Variants in CAMK1D observed in about 807,000 individuals in gnomAD.
CAMK1D encodes calcium/calmodulin dependent protein kinase ID.
In CAMK1D, 9 loss-of-function variants were observed where a neutral mutation model predicts 47.7. The observed-to-expected ratio is 0.19, with a 90% CI of 0.11 to 0.33. The LOEUF is 0.33. Among genes scored for constraint, CAMK1D ranks in the 10% least tolerant of loss-of-function variants. CAMK1D has a pLI of 1.00. For synonymous variants in CAMK1D, 184 were observed against 184.9 expected, an observed-to-expected ratio of 0.99 and a Z score of 0.04; for missense variants, 291 against 488.7, an observed-to-expected ratio of 0.60 and a Z score of 3.81.
At position 12,401,282 on chromosome 10, in the gene CAMK1D, TTA is replaced by T. The variant is rs546703807; in HGVS notation, c.92+51383_92+51384del. Reference sequence around the variant, plus strand: ...GTATTATATATATTATGTATATATTTTATATATATATAATATATGTATTATAT... The same window carrying T: ...GTATTATATATATTATGTATATATTTTATATATATAATATATGTATTATAT... On this transcript the variant is annotated intron_variant, in intron 1 of 10. Coordinates refer to ENST00000619168, the MANE Select transcript of CAMK1D (RefSeq NM_153498.4). Among the ~76,000 whole-genome samples the T allele has an allele frequency of 2.3e-3, 83 of 36,488 alleles. 15 individuals carry two copies. Among genetic ancestry groups the T allele is most frequent in the South Asian group, 2.9e-3 (4 of 1,396 alleles). 23.9% of individuals were successfully genotyped at this position (36,488 alleles called of 152,430 possible). A position where few individuals can be genotyped will look rare whatever the true frequency, so the allele number is the denominator to read the frequency against.
intron 3 of CAMK1D, among the ~76,000 whole-genome samples, chr10:12,668,625 A>T (rs1310199919): frequency 6.6e-6 from 1 of 152,236 alleles, no homozygotes; most frequent in Non-Finnish European, 1.5e-5. Context: ...TCTTCAGTAC[A>T]CGTGGTTTCT....
chr10:12,792,951 T>C (rs1259138981), intron 6 of CAMK1D, among the ~76,000 whole-genome samples: 1 of 104,376 alleles, frequency 9.6e-6, no homozygotes, highest in Non-Finnish European at 1.8e-5. Context: ...TAAAATCACA[T>C]GTGTGCGCGC....
chr10:12,755,831 A>G (rs1056121446), intron 3 of CAMK1D, among the ~76,000 whole-genome samples: 2 of 152,294 alleles, frequency 1.3e-5, no homozygotes, highest in Middle Eastern at 3.4e-3. Context: ...CACAGCCTAC[A>G]GATTTCAAGA....
At position 12,834,159 on chromosome 10, in the gene CAMK1D, C is replaced by T. The variant is rs970488955; in HGVS notation, c.*5272C>T. The T allele has an allele frequency of 1.1e-4, 17 of 152,278 alleles. No individual in the cohort carries two copies. Among genetic ancestry groups the T allele is most frequent in the African/African-American group, 4.1e-4 (17 of 41,468 alleles). The allele number at this position is 152,278 out of a possible 1,614,324, so 9.4% of individuals were successfully genotyped here. On this transcript the variant is annotated 3_prime_UTR_variant, in exon 11 of 11. Transcript: ENST00000619168. The stretch of plus-strand genomic sequence containing the variant: ...TGCAGATGAGTTAGCTTGACAACCT[C>T]AACTCTGGGGAGCAGGCAGGCGGTC...
chr10:12,828,630 A>C, intron 10 of CAMK1D, 139 bp from the exon 11 acceptor site: 1 of 646,630 alleles, frequency 1.5e-6, no homozygotes, highest in South Asian at 1.7e-5. Flanking sequence ...AAAAGAGTGA[A>C]ACTCCATCTC....
At chr10:12,534,915 A>G (rs1835921678) in intron 1 of CAMK1D, among the ~76,000 whole-genome samples, 1 of 152,098 alleles carries the variant, frequency 6.6e-6, no homozygotes, top group African/African-American at 2.4e-5. Context: ...CATGTCATTC[A>G]TTTAGGCTTC....
chr10:12,688,402 T>G (rs1220816835), intron 3 of CAMK1D, among the ~76,000 whole-genome samples: 1 of 152,194 alleles, frequency 6.6e-6, no homozygotes, highest in Non-Finnish European at 1.5e-5. Context: ...CAAACCAATC[T>G]AATTACTAAC....
intron 1 of CAMK1D, among the ~76,000 whole-genome samples, chr10:12,466,915 AT>A (rs1454062011): frequency 1.3e-5 from 2 of 152,056 alleles, no homozygotes; most frequent in African/African-American, 2.4e-5. Context: ...GCTGGGGCAC[AT>A]TTGCTTGTTT....
At chr10:12,470,540 T>C (rs1833714554) in intron 1 of CAMK1D, among the ~76,000 whole-genome samples, 1 of 151,438 alleles carries the variant, frequency 6.6e-6, no homozygotes, top group South Asian at 2.1e-4. Flanking sequence ...TCTTCCAACA[T>C]GGAGTCTCGC....
chr10:12,641,967 C>T lies in CAMK1D; in HGVS notation c.225-24769C>T, dbSNP rs1199790898. Among the ~76,000 whole-genome samples the T allele has an allele frequency of 7.9e-5, 12 of 151,502 alleles. No individual in the cohort carries two copies. In the South Asian group the frequency reaches 1.0e-3, roughly 13 times the overall value. Reference sequence around the variant, plus strand: ...GGCTGAAGCAGGACAATTGCTTGAACCCAGGAGGCAAGGTTGCAGTGAGCC... The same window carrying T: ...GGCTGAAGCAGGACAATTGCTTGAATCCAGGAGGCAAGGTTGCAGTGAGCC... On this transcript the variant is annotated intron_variant, in intron 2 of 10. Transcript: ENST00000619168.
At chr10:12,696,478 A>T (rs979178740) in intron 3 of CAMK1D, among the ~76,000 whole-genome samples, 1 of 152,222 alleles carries the variant, frequency 6.6e-6, no homozygotes, top group East Asian at 1.9e-4. Flanking sequence ...CCGAGGTTGC[A>T]GTGAGCCTAT....
intron 1 of CAMK1D, among the ~76,000 whole-genome samples, chr10:12,480,601 A>G (rs1834036524): frequency 6.6e-6 from 1 of 152,170 alleles, no homozygotes; most frequent in South Asian, 2.1e-4. Context: ...ACTTCTCACA[A>G]TAACCTCGTG....
intron 2 of CAMK1D, among the ~76,000 whole-genome samples, chr10:12,557,384 C>A (rs1235052428): frequency 4.0e-5 from 6 of 151,848 alleles, no homozygotes; most frequent in Non-Finnish European, 7.4e-5. Context: ...CCCGTCTCTA[C>A]TAAAAATACA....
chr10:12,702,158 A>C (rs1423107035), intron 3 of CAMK1D, among the ~76,000 whole-genome samples: 2 of 152,088 alleles, frequency 1.3e-5, no homozygotes, highest in South Asian at 4.1e-4. Context: ...GTTCCATCAT[A>C]GGGGAGCAGG....
chr10:12,539,265 A>G (rs577997345), intron 1 of CAMK1D, among the ~76,000 whole-genome samples: 1 of 152,358 alleles, frequency 6.6e-6, no homozygotes, highest in South Asian at 2.1e-4. Context: ...TTTTTTATGG[A>G]ATAGCTTGAA....
rs1456412493 is a variant in CAMK1D, at chr10:12,525,066, C to CAATTGT, written c.93-28159_93-28158insAATTGT. ...ATTTTTTTCCATTGTCTTCTGACTT[C>CAATTGT]CATCATTCATGATGAGAAATTGGAC... On this transcript the variant is annotated intron_variant, in intron 1 of 10. Coordinates refer to ENST00000619168, the MANE Select transcript of CAMK1D (RefSeq NM_153498.4). Among the ~76,000 whole-genome samples the CAATTGT allele has an allele frequency of 8.9e-4, 136 of 152,274 alleles. No individual in the cohort carries two copies. The Middle Eastern group carries it at 0.01, about 11-fold the overall frequency.
Position 12,828,935 on chromosome 10 carries a change from C to G in CAMK1D, c.*48C>G. 7.2e-7 allele frequency: 1 copy of G among 1,397,370 alleles called. No homozygotes were observed. Among genetic ancestry groups the G allele is most frequent in the Non-Finnish European group, 9.6e-7 (1 of 1,038,836 alleles). 86.6% of individuals were successfully genotyped at this position (1,397,370 alleles called of 1,614,324 possible). ...GGGTCGGGGCTGGGGAAGGGGAGCC[C>G]CAGGGTCGCCAGAGCCGCGAGCCAC... On this transcript the variant is annotated 3_prime_UTR_variant, in exon 11 of 11. Transcript: ENST00000619168.
rs191231126 is a variant in CAMK1D at position 12,804,330 on chromosome 10, G to A, written c.642-9865G>A. On this transcript the variant is annotated intron_variant, in intron 6 of 10. Transcript: ENST00000619168. The stretch of plus-strand genomic sequence containing the variant: ...CGACAAATATTCATTAAATAGTATC[G>A]AGGCCAGGCGCAGTGGCTCACACAT... 3.0e-4 allele frequency among the ~76,000 whole-genome samples: 45 copies of A among 152,034 alleles called. 1 individual carries two copies. Among genetic ancestry groups the A allele is most frequent in the East Asian group, 2.7e-3 (14 of 5,170 alleles).
intron 1 of CAMK1D, among the ~76,000 whole-genome samples, chr10:12,517,615 T>C (rs1418432334): frequency 6.6e-6 from 1 of 152,266 alleles, no homozygotes; most frequent in East Asian, 1.9e-4. Flanking sequence ...ATACTTTTTA[T>C]GTGTCTGTTG....
Sources: gnomAD v4.1 joint callset for allele counts (sites outside exome capture counted in the v4.1 genomes callset) on GRCh38, gnomAD v4.1.1 for gene constraint, MANE v1.5 for transcripts, NCBI Gene and HGNC (gene_info 2026-07-23, HGNC 2026-07-21) for gene names.